ZBTB40: variants seen among roughly 807,000 people sequenced by gnomAD.
ZBTB40 encodes zinc finger and BTB domain-containing protein 40.
ZBTB40 carries 60 observed loss-of-function variants against 117.5 expected under a neutral mutation model. That is an observed-to-expected ratio of 0.51 (90% CI 0.41 to 0.63). The LOEUF is 0.63. Ranked by LOEUF, ZBTB40 falls within the 30% of genes least tolerant of loss-of-function variation. The probability of loss-of-function intolerance (pLI) is 0.00; values close to 1 mark genes in which losing one functional copy is unlikely to be tolerated. For missense variants in ZBTB40, 1,287 were observed against 1,498.5 expected (o/e 0.86, Z 2.33); for synonymous variants, 525 against 577.1 (o/e 0.91, Z 1.29).
intron 3 of ZBTB40, among the ~76,000 whole-genome samples, chr1:22,492,705 T>C (rs954295931): frequency 6.6e-6 from 1 of 152,260 alleles, no homozygotes; most frequent in African/African-American, 2.4e-5. Flanking sequence ...CTGTGTTAAC[T>C]GACAGTCGAC....
At chr1:22,522,625 G>A (rs1436445562) in intron 16 of ZBTB40, among the ~76,000 whole-genome samples, 162 bp downstream of exon 16, 2 of 152,184 alleles carry the variant, frequency 1.3e-5, no homozygotes, top group Non-Finnish European at 2.9e-5. Flanking sequence ...TCATAGAGTA[G>A]TGTGAAAAAC....
At chr1:22,518,114 C>T (rs972768859) in intron 13 of ZBTB40, among the ~76,000 whole-genome samples, 3 of 152,198 alleles carry the variant, frequency 2.0e-5, no homozygotes, top group Admixed American at 6.5e-5. Flanking sequence ...CGGGAAATCA[C>T]CAGCGTGGCA....
At chr1:22,438,281 T>C (rs540595271) in intron 1 of ZBTB40, among the ~76,000 whole-genome samples, 51 of 152,346 alleles carry the variant, frequency 3.3e-4, no homozygotes, top group African/African-American at 1.2e-3. Flanking sequence ...CATATTTGTT[T>C]CTTTGTGATT....
At chr1:22,432,074 G>T (rs572274373) in intron 1 of ZBTB40, among the ~76,000 whole-genome samples, 86 of 152,212 alleles carry the variant, frequency 5.7e-4, no homozygotes, top group Non-Finnish European at 1.1e-3. Flanking sequence ...GACTCTGGGG[G>T]TAGACTCTGA....
intron 3 of ZBTB40, among the ~76,000 whole-genome samples, chr1:22,496,613 C>T (rs1334429683): frequency 1.3e-5 from 2 of 152,166 alleles, no homozygotes; most frequent in Admixed American, 6.5e-5. Flanking sequence ...CTTGTTGGCT[C>T]CTGTGACTTC....
chr1:22,465,911 C>T (rs569003423), intron 1 of ZBTB40, among the ~76,000 whole-genome samples: 5 of 152,330 alleles, frequency 3.3e-5, no homozygotes, highest in African/African-American at 1.2e-4. Flanking sequence ...TTGCTTCAGC[C>T]AGGATAATGG....
chr1:22,511,239 A>G lies in ZBTB40; in HGVS notation c.1894A>G (p.Arg632Gly), dbSNP rs1291793635. 1.2e-6 allele frequency: 2 copies of G among 1,614,068 alleles called. No homozygotes were observed. The highest frequency in any genetic ancestry group is 1.7e-6 in the Non-Finnish European group (2 of 1,180,018). The change falls in exon 10 of 18, where the codon AGA (arginine) becomes GGA (glycine). Residue 632 changes from arginine to glycine, a missense_variant. By Grantham distance (125) the Arg-to-Gly change is moderately radical. Coordinates refer to ENST00000375647, the MANE Select transcript of ZBTB40 (RefSeq NM_014870.4). ...PEASLRAVLS[R>G]AMEKSVPAIE... ...AGCTTCCCTGAGAGCAGTGCTGAGC[A>G]GAGCCATGGAAAAATCAGTCCCGGC... is the stretch of plus-strand genomic sequence containing the variant.
intron 3 of ZBTB40, among the ~76,000 whole-genome samples, chr1:22,493,350 A>T (rs1638684847): frequency 6.6e-6 from 1 of 152,204 alleles, no homozygotes; most frequent in African/African-American, 2.4e-5. Flanking sequence ...GAACTTCAGA[A>T]AGAAAAAGGG....
chr1:22,505,610 C>T (rs921077196), intron 5 of ZBTB40, among the ~76,000 whole-genome samples: 3 of 152,126 alleles, frequency 2.0e-5, no homozygotes, highest in Admixed American at 2.0e-4. Flanking sequence ...GGAATTATAA[C>T]CTATGCTAAT....
intron 1 of ZBTB40, among the ~76,000 whole-genome samples, chr1:22,462,465 G>A (rs950787385): frequency 6.6e-6 from 1 of 152,230 alleles, no homozygotes; most frequent in Non-Finnish European, 1.5e-5. Flanking sequence ...CTTAATAAAT[G>A]TTAGCTATTA....
chr1:22,474,999 T>G (rs1641522130), intron 1 of ZBTB40, among the ~76,000 whole-genome samples: 1 of 150,576 alleles, frequency 6.6e-6, no homozygotes, highest in Admixed American at 6.6e-5. Flanking sequence ...AAAAGATGTC[T>G]CAGACCACGG....
intron 1 of ZBTB40, among the ~76,000 whole-genome samples, chr1:22,483,816 A>G (rs1268646029): frequency 2.0e-5 from 3 of 152,200 alleles, no homozygotes. Context: ...TGTACCTAAA[A>G]AGACTGCCAT....
intron 1 of ZBTB40, among the ~76,000 whole-genome samples, chr1:22,478,877 C>T (rs1274944456): frequency 1.3e-5 from 2 of 151,962 alleles, no homozygotes; most frequent in African/African-American, 2.4e-5. Context: ...GTAACCATGA[C>T]CCAAAATAAG....
chr1:22,504,974 A>G lies in ZBTB40; in HGVS notation c.1168-1075A>G, dbSNP rs1639039653. Reference sequence around the variant, plus strand: ...TATGATTTATTTAGTAGAAATCTATATATTAGACCTTAAAGAGAATGACTA... The same window carrying G: ...TATGATTTATTTAGTAGAAATCTATGTATTAGACCTTAAAGAGAATGACTA... On this transcript the variant is annotated intron_variant, in intron 5 of 17. Coordinates refer to ENST00000375647, the MANE Select transcript of ZBTB40 (RefSeq NM_014870.4). Among the ~76,000 whole-genome samples, 3 of 152,252 alleles carry G rather than the reference A, an allele frequency of 2.0e-5. No individual in the cohort carries two copies. The South Asian group carries it at 6.2e-4, about 31-fold the overall frequency.
chr1:22,435,822 T>C (rs1450958440), intron 1 of ZBTB40, among the ~76,000 whole-genome samples: 2 of 152,160 alleles, frequency 1.3e-5, no homozygotes, highest in African/African-American at 4.8e-5. Flanking sequence ...GACAAAGGAC[T>C]TGAATCCAAA....
chr1:22,456,384 A>G (rs184000031), intron 1 of ZBTB40, among the ~76,000 whole-genome samples: 23 of 152,202 alleles, frequency 1.5e-4, no homozygotes, highest in African/African-American at 4.1e-4. Flanking sequence ...ATTTCCTTAC[A>G]TAAATGTATT....
At chr1:22,484,440 T>C (rs1638410262) in intron 1 of ZBTB40, among the ~76,000 whole-genome samples, 2 of 152,228 alleles carry the variant, frequency 1.3e-5, no homozygotes, top group Admixed American at 1.3e-4. Flanking sequence ...TAATTTCAAA[T>C]TCTACCTTAT....
At chr1:22,499,619 G>T (rs769346580) in intron 3 of ZBTB40, among the ~76,000 whole-genome samples, 19 of 152,200 alleles carry the variant, frequency 1.2e-4, no homozygotes, top group Non-Finnish European at 2.2e-4. Context: ...TCTTACGCTA[G>T]TGATATGTTG....
chr1:22,523,116 T>A (rs1476276338), intron 16 of ZBTB40, among the ~76,000 whole-genome samples: 1 of 150,042 alleles, frequency 6.7e-6, no homozygotes, highest in African/African-American at 2.4e-5. Flanking sequence ...CCCGACTAAT[T>A]TTTTTTTTGT....
Sources: allele counts gnomAD v4.1 joint callset (sites outside exome capture counted in the v4.1 genomes callset), GRCh38; gene constraint gnomAD v4.1.1; transcripts MANE v1.5; gene names NCBI Gene and HGNC (gene_info 2026-07-23, HGNC 2026-07-21).